NAALADL2: variants seen among roughly 807,000 people sequenced by gnomAD.
NAALADL2 encodes the protein inactive N-acetylated-alpha-linked acidic dipeptidase-like protein 2.
A neutral mutation model predicts 87.2 loss-of-function variants in NAALADL2; 76 were observed. The observed-to-expected ratio is 0.87, with a 90% CI of 0.72 to 1.05. NAALADL2 has a LOEUF of 1.05. Among genes scored for constraint, NAALADL2 ranks in the 50% least tolerant of loss-of-function variants. The pLI, the probability that NAALADL2 is intolerant of heterozygous loss-of-function variation, is 0.00. For missense variants in NAALADL2, 1,089 were observed against 945.8 expected (o/e 1.15, Z -1.99); for synonymous variants, 354 against 331.0 (o/e 1.07, Z -0.75).
At chr3:175,463,301 G>A (rs2149268015) in intron 6 of NAALADL2, 100 bp from the exon 7 acceptor site, 1 of 684,662 alleles carries the variant, frequency 1.5e-6, no homozygotes, top group Non-Finnish European at 2.4e-6. Flanking sequence ...CAATTCTGTG[G>A]AATTCTTTTG....
intron 3 of NAALADL2, among the ~76,000 whole-genome samples, chr3:174,758,100 A>G (rs536634444): frequency 6.6e-6 from 1 of 152,180 alleles, no homozygotes; most frequent in Non-Finnish European, 1.5e-5. Flanking sequence ...ATGAGTGCCA[A>G]TCATTTGCCT....
chr3:174,708,956 A>G (rs2108907274), intron 2 of NAALADL2, among the ~76,000 whole-genome samples: 1 of 152,206 alleles, frequency 6.6e-6, no homozygotes, highest in African/African-American at 2.4e-5. Flanking sequence ...TATTTTTCTC[A>G]TTATAGTGGA....
intron 4 of NAALADL2, among the ~76,000 whole-genome samples, chr3:175,258,324 CAAAAA>C (rs1287997792): frequency 6.0e-5 from 6 of 100,744 alleles, no homozygotes; most frequent in East Asian, 2.7e-4. Flanking sequence ...CCCCCACCAC[CAAAAA>C]AAAAAAAAAA....
chr3:175,030,716 AAAG>A (rs1482312092), intron 1 of NAALADL2, among the ~76,000 whole-genome samples: 4 of 152,108 alleles, frequency 2.6e-5, no homozygotes, highest in Admixed American at 1.3e-4. Context: ...ATTAAAGAGA[AAAG>A]AAGTGTAGCA....
At position 174,849,604 on chromosome 3, in the gene NAALADL2, G is replaced by A. The variant is rs1018738952; in HGVS notation, c.-9+111858G>A. Among the ~76,000 whole-genome samples, 13 of 151,696 alleles carry A rather than the reference G, an allele frequency of 8.6e-5. No homozygotes were observed. In the East Asian group the frequency reaches 2.3e-3, roughly 27 times the overall value. ...ACAAAAATTAGCTGGACATGGTGGC[G>A]GGTGCCTGTAATCCCAGCCACTTGG... On this transcript the variant is annotated intron_variant, in intron 3 of 3. Coordinates refer to the NAALADL2 transcript ENST00000434257.
chr3:175,711,938 G>C (rs1380031983), intron 11 of NAALADL2, among the ~76,000 whole-genome samples: 14 of 151,756 alleles, frequency 9.2e-5, no homozygotes, highest in Admixed American at 9.2e-4. Context: ...CTTTATCCAA[G>C]TGTCTTTCAT....
intron 11 of NAALADL2, among the ~76,000 whole-genome samples, chr3:175,667,842 T>A (rs1292751002): frequency 6.6e-6 from 1 of 150,976 alleles, no homozygotes; most frequent in Non-Finnish European, 1.5e-5. Context: ...ACACTGAGAA[T>A]GTCTGTTTGA....
At chr3:174,476,516 T>TC (rs1717225016) in intron 1 of NAALADL2, among the ~76,000 whole-genome samples, 1 of 152,018 alleles carries the variant, frequency 6.6e-6, no homozygotes, top group African/African-American at 2.4e-5. Flanking sequence ...CCAAATTTTT[T>TC]CAATGCTTAT....
chr3:175,020,913 T>C (rs1487789855), intron 1 of NAALADL2, among the ~76,000 whole-genome samples: 1 of 152,108 alleles, frequency 6.6e-6, no homozygotes, highest in Non-Finnish European at 1.5e-5. Flanking sequence ...TTAGCATCTC[T>C]GGGAAGCTTG....
intron 6 of NAALADL2, among the ~76,000 whole-genome samples, chr3:175,456,040 T>C (rs1244029189): frequency 6.6e-6 from 1 of 152,096 alleles, no homozygotes; most frequent in Non-Finnish European, 1.5e-5. Flanking sequence ...GCAAGTGTTA[T>C]TCTTCAAATC....
chr3:175,742,187 T>G (rs1745311095), intron 12 of NAALADL2, among the ~76,000 whole-genome samples: 1 of 152,178 alleles, frequency 6.6e-6, no homozygotes, highest in Non-Finnish European at 1.5e-5. Context: ...CCACAAGGAA[T>G]TTCCTCGTCA....
intron 11 of NAALADL2, among the ~76,000 whole-genome samples, chr3:175,705,440 G>T (rs1446281394): frequency 3.3e-5 from 5 of 151,844 alleles, no homozygotes; most frequent in African/African-American, 1.2e-4. Flanking sequence ...TTTAGACAGA[G>T]CTCCTTTGAG....
intron 9 of NAALADL2, among the ~76,000 whole-genome samples, chr3:175,473,676 T>C (rs1404136920): frequency 6.6e-6 from 1 of 151,860 alleles, no homozygotes; most frequent in African/African-American, 2.4e-5. Context: ...CTCAAATCTA[T>C]AAGTGTTAAG....
At chr3:175,144,921 A>G (rs73041373) in intron 2 of NAALADL2, among the ~76,000 whole-genome samples, 17,806 of 151,996 alleles carry the variant, frequency 0.12, 1,210 homozygotes, top group African/African-American at 0.17. Flanking sequence ...TGTTTTCAAT[A>G]CAAGTTTCAA....
intron 11 of NAALADL2, among the ~76,000 whole-genome samples, chr3:175,735,307 T>C (rs1039646987): frequency 6.6e-6 from 1 of 152,210 alleles, no homozygotes; most frequent in Non-Finnish European, 1.5e-5. Flanking sequence ...CAAATCTCTA[T>C]GGAGTTGCAA....
rs35055378 is a variant in NAALADL2, at chr3:175,049,101, A to AT, written c.44-47679dup. ...TTGAATAGTACTCAACCCCACAGAT[A>AT]TTTTTTTTTTCCTAGAATCAGCCAG... On this transcript the variant is annotated intron_variant, in intron 1 of 13. Coordinates refer to ENST00000454872, the MANE Select transcript of NAALADL2 (RefSeq NM_207015.3). Among the ~76,000 whole-genome samples, 1,284 of 150,148 alleles carry AT rather than the reference A, an allele frequency of 8.6e-3. 50 individuals are homozygous for AT. The highest frequency in any genetic ancestry group is 0.067 in the East Asian group (343 of 5,102).
At chr3:174,727,427 A>T (rs549945285) in intron 2 of NAALADL2, among the ~76,000 whole-genome samples, 1 of 152,186 alleles carries the variant, frequency 6.6e-6, no homozygotes, top group East Asian at 1.9e-4. Context: ...GTCTTGGAGC[A>T]TGGGTACTAC....
intron 2 of NAALADL2, among the ~76,000 whole-genome samples, chr3:174,734,377 A>C (rs1391933819): frequency 6.6e-6 from 1 of 152,194 alleles, no homozygotes; most frequent in African/African-American, 2.4e-5. Flanking sequence ...GCTATAGCAA[A>C]ATCCCACAGA....
At chr3:174,713,399 A>G (rs1246019614) in intron 2 of NAALADL2, among the ~76,000 whole-genome samples, 1 of 152,158 alleles carries the variant, frequency 6.6e-6, no homozygotes, top group African/African-American at 2.4e-5. Flanking sequence ...ACAACGGTTG[A>G]ACTAGTTTAC....
Sources: gnomAD v4.1 joint callset for allele counts (sites outside exome capture counted in the v4.1 genomes callset) on GRCh38, gnomAD v4.1.1 for gene constraint, MANE v1.5 for transcripts, NCBI Gene and HGNC (gene_info 2026-07-23, HGNC 2026-07-21) for gene names.